Variants in VLDLR observed in about 807,000 individuals in gnomAD.
VLDLR encodes the protein very low-density lipoprotein receptor.
VLDLR carries 81 observed loss-of-function variants against 112.7 expected under a neutral mutation model. That is an observed-to-expected ratio of 0.72 (90% CI 0.60 to 0.86). The LOEUF (loss-of-function observed/expected upper bound fraction) is 0.86, where lower values mean the gene tolerates loss of function less well. VLDLR is among the 40% of genes least tolerant of loss of function. The pLI is 0.00. For synonymous variants in VLDLR, 436 were observed against 384.8 expected (o/e 1.13, Z -1.56); for missense variants, 1,237 against 1,099.4 (o/e 1.13, Z -1.77).
At chr9:2,640,019 T>G (rs372028858) in intron 3 of VLDLR, 38 bp downstream of exon 3, 2 of 1,614,000 alleles carry the variant, frequency 1.2e-6, no homozygotes, top group African/African-American at 2.7e-5. Context: ...CTTTGCCAAG[T>G]TGTTCGGTGT....
chr9:2,645,718 C>T lies in VLDLR; in HGVS notation c.1457C>T (p.Ala486Val), dbSNP rs1359149381. ...ATTGCTGCCCAGAAACTATTCTGGG[C>T]CGATCTAAGCCAAAAGGCTATCTTC... is the stretch of plus-strand genomic sequence containing the variant. Reference protein sequence around the residue: ...ADIAAQKLFWADLSQKAIFSA... With the variant: ...ADIAAQKLFWVDLSQKAIFSA... Residue 486 changes from alanine (A) to valine (V), a missense_variant, in exon 10 of 19, where the codon GCC becomes GTC. Coordinates refer to ENST00000382100, the MANE Select transcript of VLDLR (RefSeq NM_003383.5). 1 of 1,614,038 alleles carries T rather than the reference C, an allele frequency of 6.2e-7. No homozygotes were observed. Among genetic ancestry groups the T allele is most frequent in the Non-Finnish European group, 8.5e-7 (1 of 1,180,036 alleles).
At chr9:2,622,969 G>A (rs1191569109) in intron 1 of VLDLR, among the ~76,000 whole-genome samples, 1 of 152,232 alleles carries the variant, frequency 6.6e-6, no homozygotes, top group Admixed American at 6.5e-5. Context: ...GCCTCGGGCG[G>A]CGTTTGGAAA....
At position 2,651,933 on chromosome 9, in the gene VLDLR, G is replaced by A. The variant is rs183359461; in HGVS notation, c.2395G>A (p.Ala799Thr). ...VSVPPKGTSA[A>T]WAILPLLLLV... ...TGTTCCCCCAAAAGGGACTTCTGCC[G>A]CATGGGCCATTCTTCCTCTCTGTAA... is the stretch of plus-strand genomic sequence containing the variant. The change falls in exon 17 of 19, where the codon GCA becomes ACA. Residue 799 changes from alanine (A) to threonine (T), a missense_variant. Transcript: ENST00000382100. 9.8e-5 allele frequency: 158 copies of A among 1,614,042 alleles called. No individual in the cohort carries two copies. Among genetic ancestry groups the A allele is most frequent in the Admixed American group, 3.7e-4 (22 of 60,018 alleles).
Position 2,622,067 on chromosome 9 carries a change from C to T in VLDLR, c.-123C>T. The T allele has an allele frequency of 1.0e-6, 1 of 975,956 alleles. No individual in the cohort carries two copies. Among genetic ancestry groups the T allele is most frequent in the Non-Finnish European group, 1.5e-6 (1 of 688,906 alleles). The allele number at this position is 975,956 out of a possible 1,614,324, so 60.5% of individuals were successfully genotyped here. On this transcript the variant is annotated 5_prime_UTR_variant, in exon 1 of 19. Transcript: ENST00000382100. ...TCCCTTCCCCCGCCAACTCCTTCCCCTCCTTCTCCCCCTTTCCCCTCCCCG... is the reference window on the plus strand; with the variant it reads ...TCCCTTCCCCCGCCAACTCCTTCCCTTCCTTCTCCCCCTTTCCCCTCCCCG...
chr9:2,649,033 T>C (rs1411114306), intron 14 of VLDLR, among the ~76,000 whole-genome samples: 1 of 152,214 alleles, frequency 6.6e-6, no homozygotes, highest in Non-Finnish European at 1.5e-5. Flanking sequence ...CAAGCCTCAG[T>C]GTCAGAGCTT....
chr9:2,623,669 G>T (rs544871287), intron 1 of VLDLR, among the ~76,000 whole-genome samples: 1 of 152,312 alleles, frequency 6.6e-6, no homozygotes, highest in South Asian at 2.1e-4. Context: ...CGTTTAGGTT[G>T]GTCACATGGT....
Position 2,643,374 on chromosome 9 carries a change from A to C in VLDLR, c.663A>C (p.Gln221His). 2 of 1,614,108 alleles carry C rather than the reference A, an allele frequency of 1.2e-6. No homozygotes were observed. The highest frequency in any genetic ancestry group is 1.7e-6 in the Non-Finnish European group (2 of 1,180,022). ...VCDDDADCSD[Q>H]SDESLEQCGR... ...ACGATGATGCAGACTGCTCCGACCA[A>C]TCTGATGAGTCCCTGGAGCAGTGTG... The change falls in exon 5 of 19, where the codon CAA becomes CAC. Residue 221 changes from glutamine to histidine, a missense_variant. Physicochemically the swap from Gln to His is conservative, Grantham distance 24. Transcript: ENST00000382100.
rs777617386 is a variant in VLDLR, at chr9:2,648,704, A to G, written c.1998A>G (p.Ala666=). The G allele has an allele frequency of 2.2e-5, 36 of 1,614,228 alleles. 2 individuals are homozygous for G. The South Asian group carries it at 3.6e-4, about 16-fold the overall frequency. The part of the protein sequence containing the change: ...RVYWIDGENE[A]VYGANKFTGS... ...ACTGGATAGATGGGGAAAATGAAGC[A>G]GTCTATGGTGCCAATAAATTCACTG... is the stretch of plus-strand genomic sequence containing the variant. The change falls in exon 14 of 19, where the codon GCA becomes GCG. Residue 666 remains alanine (A), a synonymous_variant. Transcript: ENST00000382100.
At chr9:2,623,418 C>G (rs1816930489) in intron 1 of VLDLR, among the ~76,000 whole-genome samples, 1 of 152,168 alleles carries the variant, frequency 6.6e-6, no homozygotes, top group Admixed American at 6.5e-5. Context: ...CGCCCAGGCC[C>G]TTAACACCCG....
intron 1 of VLDLR, among the ~76,000 whole-genome samples, chr9:2,623,414 G>C (rs750942268): frequency 2.0e-5 from 3 of 152,218 alleles, no homozygotes; most frequent in Non-Finnish European, 4.4e-5. Context: ...AAGCCGCCCA[G>C]GCCCTTAACA....
intron 1 of VLDLR, among the ~76,000 whole-genome samples, chr9:2,626,606 G>C (rs1026451831): frequency 3.9e-5 from 6 of 152,236 alleles, no homozygotes; most frequent in Non-Finnish European, 7.3e-5. Flanking sequence ...CTTGCTTAGA[G>C]ATCCTTTGCC....
Position 2,621,973 on chromosome 9 carries a change from G to T in VLDLR, c.-217G>T, listed in dbSNP as rs1300475078. 4.5e-6 allele frequency: 3 copies of T among 661,070 alleles called. No homozygotes were observed. Among genetic ancestry groups the T allele is most frequent in the Non-Finnish European group, 8.2e-6 (3 of 364,930 alleles). 41.0% of individuals were successfully genotyped at this position (661,070 alleles called of 1,614,324 possible). On this transcript the variant is annotated 5_prime_UTR_variant, in exon 1 of 19. Transcript: ENST00000382100. ...GCTTGCACTGCTGCTGCAGCCCGGG[G>T]AGGTGGCTGGGTGGGTGGGGAGGAG...
At chr9:2,645,432 G>A (rs1818024938) in intron 9 of VLDLR, 142 bp from the exon 10 acceptor site, 2 of 1,066,712 alleles carry the variant, frequency 1.9e-6, no homozygotes, top group Non-Finnish European at 2.8e-6. Flanking sequence ...CAGGTCCCAG[G>A]GGCAGGAACT....
intron 2 of VLDLR, among the ~76,000 whole-genome samples, chr9:2,639,044 C>T (rs1041026666): frequency 6.6e-6 from 1 of 152,228 alleles, no homozygotes; most frequent in African/African-American, 2.4e-5. Flanking sequence ...GGCCTTCATT[C>T]TCCACACTAA....
rs1412176210 is a variant in VLDLR at position 2,658,350 on chromosome 9, G to A, written c.*4482G>A. ...GCTAATGAGAAAAAGAACAAAGTAG[G>A]ACCATGACCCAGTGTTCTCCTGTAA... On this transcript the variant is annotated 3_prime_UTR_variant, in exon 19 of 19. Transcript: ENST00000382100. 3 of 152,208 alleles carry A rather than the reference G, an allele frequency of 2.0e-5. No individual in the cohort carries two copies. The highest frequency in any genetic ancestry group is 4.8e-5 in the African/African-American group (2 of 41,444). 9.4% of individuals were successfully genotyped at this position (152,208 alleles called of 1,614,324 possible).
At chr9:2,648,944 T>A in intron 14 of VLDLR, 134 bp downstream of exon 14, 1 of 1,091,698 alleles carries the variant, frequency 9.2e-7, no homozygotes, top group Non-Finnish European at 1.3e-6. Context: ...TACCCTACCT[T>A]AAACATTTCA....
At chr9:2,633,850 G>A (rs1052453670) in intron 1 of VLDLR, among the ~76,000 whole-genome samples, 1 of 152,152 alleles carries the variant, frequency 6.6e-6, no homozygotes, top group Non-Finnish European at 1.5e-5. Flanking sequence ...CAGTGGCAAT[G>A]AGGGGAGAGG....
At chr9:2,626,766 A>T (rs1284301218) in intron 1 of VLDLR, among the ~76,000 whole-genome samples, 1 of 151,888 alleles carries the variant, frequency 6.6e-6, no homozygotes, top group Non-Finnish European at 1.5e-5. Context: ...CAACCAAGGG[A>T]CATAACAAAG....
intron 18 of VLDLR, among the ~76,000 whole-genome samples, chr9:2,653,400 GCTT>G (rs1262406095): frequency 6.6e-6 from 1 of 152,170 alleles, no homozygotes; most frequent in African/African-American, 2.4e-5. Context: ...AGTATAGCTA[GCTT>G]TTCTTCCAGC....
Sources: gnomAD v4.1 joint callset for allele counts (sites outside exome capture counted in the v4.1 genomes callset) on GRCh38, gnomAD v4.1.1 for gene constraint, MANE v1.5 for transcripts, NCBI Gene and HGNC (gene_info 2026-07-23, HGNC 2026-07-21) for gene names.